HHLA1: variants seen among roughly 807,000 people sequenced by gnomAD.
HHLA1 encodes the protein HERV-H LTR-associating protein 1.
HHLA1 carries 72 observed loss-of-function variants against 69.9 expected under a neutral mutation model. That is an observed-to-expected ratio of 1.03 (90% CI 0.85 to 1.25). The LOEUF (loss-of-function observed/expected upper bound fraction) is 1.25. Ranked by LOEUF, HHLA1 falls within the 50% of genes most tolerant of loss-of-function variation. The pLI is 0.00. For missense variants in HHLA1, 685 were observed against 642.2 expected, an observed-to-expected ratio of 1.07 and a Z score of -0.72; for synonymous variants, 252 against 233.2, an observed-to-expected ratio of 1.08 and a Z score of -0.73.
chr8:132,100,553 G>A lies in HHLA1; in HGVS notation c.140-419C>T, dbSNP rs560919790. Among the ~76,000 whole-genome samples, 304 of 152,310 alleles carry A rather than the reference G, an allele frequency of 2.0e-3. 2 individuals carry two copies. Among genetic ancestry groups the A allele is most frequent in the African/African-American group, 7.1e-3 (296 of 41,562 alleles). On this transcript the variant is annotated intron_variant, in intron 3 of 16. Transcript: ENST00000414222. ...CTCTTGCCTACTTAACAAATTTCAT[G>A]CGACCAAAGGAGAAAATGTCAAAGA...
chr8:132,069,142 A>G (rs1415290207), intron 15 of HHLA1, among the ~76,000 whole-genome samples: 3 of 152,176 alleles, frequency 2.0e-5, no homozygotes, highest in Non-Finnish European at 4.4e-5. Context: ...TGCTGCAGCT[A>G]CATTGAACAT....
At chr8:132,110,211 G>T (rs557586364) in intron 1 of HHLA1, among the ~76,000 whole-genome samples, 26 of 152,298 alleles carry the variant, frequency 1.7e-4, no homozygotes, top group Admixed American at 9.8e-4. Flanking sequence ...GTGTCAGCGG[G>T]TGTGGGCTAG....
chr8:132,097,340 C>T (rs189324804), intron 5 of HHLA1, among the ~76,000 whole-genome samples: 2 of 152,256 alleles, frequency 1.3e-5, no homozygotes, highest in East Asian at 1.9e-4. Flanking sequence ...TACATCAGGT[C>T]CTTCTTATTG....
chr8:132,075,001 CA>C (rs1823611593), intron 14 of HHLA1, among the ~76,000 whole-genome samples: 1 of 152,014 alleles, frequency 6.6e-6, no homozygotes, highest in African/African-American at 2.4e-5. Context: ...ATATAGACAC[CA>C]ATATAGACAT....
intron 5 of HHLA1, among the ~76,000 whole-genome samples, chr8:132,097,097 A>G (rs1455631680): frequency 6.6e-6 from 1 of 152,142 alleles, no homozygotes; most frequent in Admixed American, 6.5e-5. Context: ...CTCTCTGGCT[A>G]TTGCCCTCTG....
At chr8:132,098,015 A>G (rs1361822653) in intron 5 of HHLA1, among the ~76,000 whole-genome samples, 1 of 151,948 alleles carries the variant, frequency 6.6e-6, no homozygotes, top group East Asian at 1.9e-4. Flanking sequence ...GTTTTTGGTT[A>G]CTCCTTCACC....
intron 10 of HHLA1, among the ~76,000 whole-genome samples, chr8:132,081,603 T>C (rs571771496): frequency 6.6e-6 from 1 of 152,178 alleles, no homozygotes; most frequent in Non-Finnish European, 1.5e-5. Flanking sequence ...ACTGAGGAAT[T>C]ATGTCTGACA....
intron 7 of HHLA1, among the ~76,000 whole-genome samples, chr8:132,092,494 G>C (rs1423329946): frequency 6.6e-6 from 1 of 152,182 alleles, no homozygotes; most frequent in Non-Finnish European, 1.5e-5. Flanking sequence ...GACTTCTCAT[G>C]AATGGGTTAG....
At chr8:132,080,558 A>G (rs1023824975) in intron 10 of HHLA1, 1 of 190,602 alleles carries the variant, frequency 5.2e-6, no homozygotes, top group Non-Finnish European at 1.1e-5. Context: ...TTGTGGTGGA[A>G]TGTCATCAGT....
At chr8:132,107,167 T>A (rs893862362) in intron 1 of HHLA1, among the ~76,000 whole-genome samples, 37 of 152,194 alleles carry the variant, frequency 2.4e-4, no homozygotes, top group African/African-American at 8.7e-4. Flanking sequence ...AATTAAAAGA[T>A]AAAAACTTAT....
At chr8:132,095,419 C>T in intron 7 of HHLA1, 100 bp downstream of exon 7, 3 of 721,506 alleles carry the variant, frequency 4.2e-6, no homozygotes, top group Non-Finnish European at 7.2e-6. Context: ...GTGGATAGGA[C>T]CATATTTTCC....
intron 14 of HHLA1, among the ~76,000 whole-genome samples, chr8:132,074,441 A>G (rs2130879417): frequency 6.6e-6 from 1 of 152,298 alleles, no homozygotes; most frequent in East Asian, 1.9e-4. Flanking sequence ...TTTTATATGT[A>G]GAACTCACCA....
At chr8:132,086,683 T>C (rs1823870074) in intron 10 of HHLA1, among the ~76,000 whole-genome samples, 1 of 152,150 alleles carries the variant, frequency 6.6e-6, no homozygotes. Context: ...TGAGATTGAC[T>C]CAACCCTAAG....
At chr8:132,075,647 A>G (rs1174361522) in intron 14 of HHLA1, among the ~76,000 whole-genome samples, 1 of 152,222 alleles carries the variant, frequency 6.6e-6, no homozygotes, top group Non-Finnish European at 1.5e-5. Flanking sequence ...TTCACTGCCA[A>G]CAACCCTGCT....
chr8:132,101,116 A>T (rs1824104178), intron 3 of HHLA1: 2 of 1,477,550 alleles, frequency 1.4e-6, no homozygotes, highest in Admixed American at 2.6e-5. Flanking sequence ...TACCAGCAGG[A>T]TGGAGAAGGT....
chr8:132,067,669 G>A (rs987502469), intron 15 of HHLA1, among the ~76,000 whole-genome samples: 3 of 152,248 alleles, frequency 2.0e-5, no homozygotes, highest in East Asian at 1.9e-4. Flanking sequence ...AAAGCGCAGC[G>A]TTCCAGGTAC....
At chr8:132,069,594 A>G (rs150106285) in intron 15 of HHLA1, 116 of 152,298 alleles carry the variant, frequency 7.6e-4, no homozygotes, top group African/African-American at 2.7e-3. Context: ...TGCCTTTTTC[A>G]TTTATTCATT....
Position 132,079,745 on chromosome 8 carries a change from T to C in HHLA1, c.898A>G (p.Ser300Gly). 2.6e-6 allele frequency: 4 copies of C among 1,551,294 alleles called. No individual in the cohort carries two copies. The highest frequency in any genetic ancestry group is 3.5e-6 in the Non-Finnish European group (4 of 1,146,784). The change falls in exon 11 of 17, where the codon AGT (serine) becomes GGT (glycine). Residue 300 changes from serine to glycine, a missense_variant. Transcript: ENST00000414222. ...AAGGCTGGGAGAGTGTGGGAGGCAC[T>C]GAACCATGTGGCTGTGGCCCTGGCT... ...LPARATATWF[S>G]ASHTLPALAT...
chr8:132,094,753 C>T (rs918260826), intron 7 of HHLA1, among the ~76,000 whole-genome samples: 3 of 152,152 alleles, frequency 2.0e-5, no homozygotes, highest in Admixed American at 2.0e-4. Flanking sequence ...TCCCTGCTCC[C>T]CGCTAGGAAT....
Sources: gnomAD v4.1 joint callset for allele counts (sites outside exome capture counted in the v4.1 genomes callset) on GRCh38, gnomAD v4.1.1 for gene constraint, MANE v1.5 for transcripts, NCBI Gene and HGNC (gene_info 2026-07-23, HGNC 2026-07-21) for gene names.